Variants in SLC71A2 observed in about 807,000 individuals in gnomAD.
The protein encoded by SLC71A2 is hippocampus abundant transcript-like 1.
the SLC71A2 span, among the ~76,000 whole-genome samples, chr9:94,410,345 C>T: frequency 6.6e-6 from 1 of 152,078 alleles, no homozygotes; most frequent in Admixed American, 6.6e-5. Context: ...AATCTCCCAC[C>T]TGCCACCTGA....
At chr9:94,459,596 T>C in the SLC71A2 span, 1 of 236,204 alleles carries the variant, frequency 4.2e-6, no homozygotes, top group Non-Finnish European at 7.5e-6. Flanking sequence ...TCTTACATTC[T>C]TTTTTTTTTT....
chr9:94,384,716 T>C, the SLC71A2 span, among the ~76,000 whole-genome samples: 3 of 152,230 alleles, frequency 2.0e-5, no homozygotes, highest in African/African-American at 4.8e-5. Flanking sequence ...ACATATATTC[T>C]GGATATTAAC....
chr9:94,442,477 C>T, the SLC71A2 span, among the ~76,000 whole-genome samples: 2 of 152,082 alleles, frequency 1.3e-5, no homozygotes, highest in South Asian at 2.1e-4. Flanking sequence ...TCTTCAGAGT[C>T]GTGATGGAGG....
chr9:94,402,772 A>C, the SLC71A2 span, among the ~76,000 whole-genome samples: 1 of 152,204 alleles, frequency 6.6e-6, no homozygotes, highest in South Asian at 2.1e-4. Context: ...ACTCATCTTG[A>C]AACCATGTGA....
the SLC71A2 span, among the ~76,000 whole-genome samples, chr9:94,416,027 A>G: frequency 6.6e-6 from 1 of 152,206 alleles, no homozygotes; most frequent in East Asian, 1.9e-4. Context: ...ATCTATAGCC[A>G]TTTCTTCAGA....
chr9:94,418,014 G>A, the SLC71A2 span, among the ~76,000 whole-genome samples: 1 of 151,806 alleles, frequency 6.6e-6, no homozygotes, highest in Non-Finnish European at 1.5e-5. Context: ...GTGCCACCAC[G>A]CCCGGCTAAT....
chr9:94,458,214 C>T, the SLC71A2 span: 2 of 912,534 alleles, frequency 2.2e-6, no homozygotes, highest in Admixed American at 5.7e-5. Flanking sequence ...CTCTTTTCCT[C>T]AGTCTTGCCG....
the SLC71A2 span, among the ~76,000 whole-genome samples, chr9:94,429,759 AC>A: frequency 6.6e-6 from 1 of 151,972 alleles, no homozygotes; most frequent in Non-Finnish European, 1.5e-5. Context: ...CACCGAGAAT[AC>A]TCGCCAGCGG....
At chr9:94,450,683 G>A in the SLC71A2 span, among the ~76,000 whole-genome samples, 2 of 151,840 alleles carry the variant, frequency 1.3e-5, no homozygotes, top group East Asian at 3.9e-4. Context: ...TAGAGACGGG[G>A]TGTCGCCATG....
At chr9:94,384,313 T>C in the SLC71A2 span, among the ~76,000 whole-genome samples, 2 of 151,866 alleles carry the variant, frequency 1.3e-5, no homozygotes, top group Admixed American at 6.6e-5. Flanking sequence ...GGTTTGTCCA[T>C]GTGTGCCGTG....
the SLC71A2 span, among the ~76,000 whole-genome samples, chr9:94,436,155 ATTGT>A: frequency 7.2e-5 from 11 of 152,026 alleles, no homozygotes; most frequent in African/African-American, 2.7e-4. Flanking sequence ...CTTATTTTTA[ATTGT>A]TTTCTTCCAA....
At chr9:94,429,264 T>G in the SLC71A2 span, 15 of 1,586,920 alleles carry the variant, frequency 9.5e-6, no homozygotes, top group African/African-American at 1.9e-4. Flanking sequence ...AAGAAAAAAT[T>G]TTTATGTGGT....
At chr9:94,408,381 T>TA in the SLC71A2 span, among the ~76,000 whole-genome samples, 14 of 152,300 alleles carry the variant, frequency 9.2e-5, no homozygotes, top group South Asian at 2.5e-3. Context: ...TCTTGGAATG[T>TA]ATCCTCCTTG....
the SLC71A2 span, chr9:94,453,921 G>A: frequency 1.5e-6 from 2 of 1,318,640 alleles, no homozygotes; most frequent in Non-Finnish European, 2.2e-6. Flanking sequence ...TCTGTGTGTT[G>A]ATGTGGTTTT....
the SLC71A2 span, among the ~76,000 whole-genome samples, chr9:94,455,735 T>C: frequency 2.4e-4 from 37 of 152,276 alleles, no homozygotes; most frequent in African/African-American, 7.0e-4. Context: ...AAGACTCTTA[T>C]TGAGAGGAGG....
At chr9:94,459,765 G>A in the SLC71A2 span, 16,226 of 212,684 alleles carry the variant, frequency 0.076, 772 homozygotes, top group Non-Finnish European at 0.11. Context: ...ATCTTTCCAT[G>A]CCCTTTTCAG....
At chr9:94,397,625 T>G in the SLC71A2 span, among the ~76,000 whole-genome samples, 12 of 152,238 alleles carry the variant, frequency 7.9e-5, no homozygotes, top group Admixed American at 5.2e-4. Context: ...TTACATTTAG[T>G]TGTTGTGTCT....
At chr9:94,454,217 G>A in the SLC71A2 span, 1 of 603,984 alleles carries the variant, frequency 1.7e-6, no homozygotes, top group Non-Finnish European at 3.0e-6. Flanking sequence ...GCTTTAATTT[G>A]GGGAAATGTG....
chr9:94,430,787 C>T, the SLC71A2 span, among the ~76,000 whole-genome samples: 30,316 of 152,054 alleles, frequency 0.2, 3,251 homozygotes, highest in Middle Eastern at 0.29. Context: ...AAAAATCAAT[C>T]ATATTTGCTT....
Sources: allele counts gnomAD v4.1 joint callset (sites outside exome capture counted in the v4.1 genomes callset), GRCh38; gene constraint gnomAD v4.1.1; transcripts MANE v1.5; gene names NCBI Gene and HGNC (gene_info 2026-07-23, HGNC 2026-07-21).